Variants in ACSL4 observed in about 807,000 individuals in gnomAD.
The protein encoded by ACSL4 is long-chain-fatty-acid--CoA ligase 4.
In ACSL4, 9 loss-of-function variants were observed where a neutral mutation model predicts 49.1. The observed-to-expected ratio is 0.18, with a 90% CI of 0.11 to 0.32. The LOEUF is 0.32. Among genes scored for constraint, ACSL4 ranks in the 10% least tolerant of loss-of-function variants. The pLI, the probability that ACSL4 is intolerant of heterozygous loss-of-function variation, is 1.00. For synonymous variants in ACSL4, 191 were observed against 170.3 expected (o/e 1.12, Z -0.95); for missense variants, 333 against 493.7 (o/e 0.67, Z 3.08).
chrX:109,708,606 C>T (rs1049897769), intron 1 of ACSL4, among the ~76,000 whole-genome samples: 1 of 112,000 alleles, frequency 8.9e-6, no homozygotes, highest in East Asian at 2.8e-4. Flanking sequence ...ACTATAACTA[C>T]CATGGTTAAC....
intron 1 of ACSL4, among the ~76,000 whole-genome samples, chrX:109,731,526 G>T (rs1928440916): frequency 1.0e-5 from 1 of 99,878 alleles, no homozygotes; most frequent in Non-Finnish European, 2.0e-5. Context: ...CAAAAATACT[G>T]AAAGAAATAT....
chrX:109,715,309 C>T (rs1046910032), intron 1 of ACSL4, among the ~76,000 whole-genome samples: 1 of 110,932 alleles, frequency 9.0e-6, no homozygotes, highest in African/African-American at 3.3e-5. Context: ...TACACAGGAC[C>T]TCTGAACTAT....
At chrX:109,668,071 C>T in intron 11 of ACSL4, 30 bp downstream of exon 11, 2 of 1,121,678 alleles carry the variant, frequency 1.8e-6, no homozygotes, top group East Asian at 3.0e-5. Flanking sequence ...GCAGCTGATA[C>T]AGAATATTTA....
At chrX:109,718,081 G>T (rs1403645929) in intron 1 of ACSL4, among the ~76,000 whole-genome samples, 3 of 111,823 alleles carry the variant, frequency 2.7e-5, no homozygotes, top group South Asian at 3.7e-4. Context: ...CTAAGATTTG[G>T]TTTTCTGTCC....
At chrX:109,669,457 G>A (rs895255709) in intron 9 of ACSL4, among the ~76,000 whole-genome samples, 3 of 107,770 alleles carry the variant, frequency 2.8e-5, no homozygotes, top group East Asian at 2.9e-4. Flanking sequence ...GCAGTGGCGG[G>A]ATCTCGGCTC....
chrX:109,708,065 C>T (rs1339856900), intron 1 of ACSL4, among the ~76,000 whole-genome samples: 3 of 111,504 alleles, frequency 2.7e-5, no homozygotes, highest in African/African-American at 9.8e-5. Flanking sequence ...CCACCTCAGC[C>T]TCCTGAGTAG....
chrX:109,722,786 T>C (rs1479311547), intron 1 of ACSL4, among the ~76,000 whole-genome samples: 2 of 110,984 alleles, frequency 1.8e-5, no homozygotes, highest in Non-Finnish European at 3.8e-5. Context: ...TCCCACCAGA[T>C]GTCTTTTTCA....
chrX:109,653,200 A>G (rs1296186778), intron 15 of ACSL4, among the ~76,000 whole-genome samples: 2 of 111,879 alleles, frequency 1.8e-5, no homozygotes, highest in African/African-American at 6.5e-5. Context: ...GACACATGAA[A>G]AAATGCTCAT....
intron 9 of ACSL4, among the ~76,000 whole-genome samples, chrX:109,671,238 C>T (rs1396362376): frequency 1.8e-5 from 2 of 110,672 alleles, no homozygotes; most frequent in South Asian, 3.9e-4. Flanking sequence ...TGCCCTGCCG[C>T]CCCATCTGAG....
Position 109,663,359 on chromosome X carries a change from G to A in ACSL4, c.1434C>T (p.Ile478=), listed in dbSNP as rs1922333906. The change falls in exon 13 of 16, where the codon ATC becomes ATT. Residue 478 remains isoleucine, a synonymous_variant. Transcript: ENST00000672401. ...TGGAGATGTTCTGTCCACCAATTACGATTTCACCTCTGGGGTTTGGCTTGT... is the reference window on the plus strand; with the variant it reads ...TGGAGATGTTCTGTCCACCAATTACAATTTCACCTCTGGGGTTTGGCTTGT... ...INDKPNPRGE[I]VIGGQNISMG... is the part of the protein sequence containing the mutation. 5.0e-6 allele frequency: 6 copies of A among 1,209,987 alleles called. No individual in the cohort carries two copies. The highest frequency in any genetic ancestry group is 6.7e-6 in the Non-Finnish European group (6 of 894,285).
At chrX:109,661,667 TAA>T (rs892450408) in intron 13 of ACSL4, 22 bp from the exon 14 acceptor site, 2 of 1,050,007 alleles carry the variant, frequency 1.9e-6, no homozygotes, top group African/African-American at 1.8e-5. Context: ...TAAAGAATGT[TAA>T]GTCTGTTTAA....
intron 15 of ACSL4, among the ~76,000 whole-genome samples, chrX:109,658,549 C>T (rs1921885352): frequency 8.9e-6 from 1 of 112,166 alleles, no homozygotes; most frequent in Non-Finnish European, 1.9e-5. Context: ...CCTCTGCTAA[C>T]CTCTACAGCC....
chrX:109,715,609 C>A (rs987689478), intron 1 of ACSL4, among the ~76,000 whole-genome samples: 1 of 109,617 alleles, frequency 9.1e-6, no homozygotes, highest in South Asian at 3.9e-4. Flanking sequence ...CACTGCACTC[C>A]GACTGCATCT....
chrX:109,660,661 C>T (rs186516572), intron 14 of ACSL4, among the ~76,000 whole-genome samples: 5 of 111,234 alleles, frequency 4.5e-5, no homozygotes, highest in Admixed American at 3.8e-4. Flanking sequence ...TTCACAACAA[C>T]CAAGAGGGGG....
chrX:109,648,076 G>A (rs1934814545), intron 15 of ACSL4, among the ~76,000 whole-genome samples: 1 of 111,816 alleles, frequency 8.9e-6, no homozygotes. Context: ...TGGATTCACA[G>A]CCAAATTCTA....
intron 15 of ACSL4, among the ~76,000 whole-genome samples, chrX:109,652,756 T>C (rs1041352783): frequency 2.7e-5 from 3 of 111,432 alleles, no homozygotes; most frequent in African/African-American, 6.5e-5. Context: ...AATATAAAAG[T>C]GTGTTATATC....
intron 8 of ACSL4, among the ~76,000 whole-genome samples, chrX:109,677,650 G>A (rs1347101678): frequency 1.8e-5 from 2 of 109,498 alleles, no homozygotes; most frequent in African/African-American, 3.3e-5. Context: ...GCATGGTGGC[G>A]GGCGCCTGCA....
intron 14 of ACSL4, among the ~76,000 whole-genome samples, chrX:109,660,624 T>C (rs181236714): frequency 8.9e-6 from 1 of 111,933 alleles, no homozygotes; most frequent in African/African-American, 3.2e-5. Context: ...AAGAGATATT[T>C]GCATACGCAT....
chrX:109,661,308 G>GT (rs1166421250), intron 14 of ACSL4, among the ~76,000 whole-genome samples: 2 of 111,542 alleles, frequency 1.8e-5, no homozygotes, highest in Middle Eastern at 4.6e-3. Flanking sequence ...GCATAGCTAA[G>GT]TATTTAGCAA....
Sources: gnomAD v4.1 joint callset for allele counts (sites outside exome capture counted in the v4.1 genomes callset) on GRCh38, gnomAD v4.1.1 for gene constraint, MANE v1.5 for transcripts, NCBI Gene and HGNC (gene_info 2026-07-23, HGNC 2026-07-21) for gene names.